MAPK10: variants seen among roughly 807,000 people sequenced by gnomAD.
MAPK10 encodes JNK3 alpha protein kinase.
In MAPK10, 25 loss-of-function variants were observed where a neutral mutation model predicts 59.3. The observed-to-expected ratio is 0.42, with a 90% CI of 0.31 to 0.59. MAPK10 has a LOEUF of 0.59. Among genes scored for constraint, MAPK10 ranks in the 20% least tolerant of loss-of-function variants. The pLI is 0.15. For missense variants in MAPK10, 351 were observed against 568.9 expected, an observed-to-expected ratio of 0.62 and a Z score of 3.90; for synonymous variants, 190 against 200.5, an observed-to-expected ratio of 0.95 and a Z score of 0.44.
At chr4:86,103,310 T>A (rs1274356449) in intron 5 of MAPK10, 66 bp from the exon 6 acceptor site, 10 of 872,016 alleles carry the variant, frequency 1.1e-5, no homozygotes, top group Middle Eastern at 2.3e-4. Context: ...GTATTATTTT[T>A]AAATTGTATT....
chr4:86,398,362 C>G (rs1054348189), intron 1 of MAPK10, among the ~76,000 whole-genome samples: 3 of 152,126 alleles, frequency 2.0e-5, no homozygotes, highest in Non-Finnish European at 2.9e-5. Context: ...CATAACAACT[C>G]TATGCTAGAT....
chr4:86,066,020 C>T lies in MAPK10; in HGVS notation c.986-1630G>A, dbSNP rs144116521. 2.0e-3 allele frequency among the ~76,000 whole-genome samples: 305 copies of T among 152,062 alleles called. 2 individuals carry two copies. The highest frequency in any genetic ancestry group is 7.0e-3 in the African/African-American group (289 of 41,478). On this transcript the variant is annotated intron_variant, in intron 10 of 13. Coordinates refer to ENST00000641462, the MANE Select transcript of MAPK10 (RefSeq NM_138982.4). The stretch of plus-strand genomic sequence containing the variant: ...ATTATTGGCATATTTTTTCTAGTGC[C>T]GTTCATGTATTTTTCACGTAATATT...
chr4:86,334,553 C>A (rs1719892038), intron 2 of MAPK10, among the ~76,000 whole-genome samples: 1 of 151,984 alleles, frequency 6.6e-6, no homozygotes, highest in Non-Finnish European at 1.5e-5. Context: ...TTTATTATCC[C>A]TCTCCCTCTT....
At chr4:86,141,019 A>G (rs1315668640) in intron 4 of MAPK10, among the ~76,000 whole-genome samples, 1 of 152,222 alleles carries the variant, frequency 6.6e-6, no homozygotes, top group Non-Finnish European at 1.5e-5. Context: ...AAGACCATTA[A>G]TCATTGAACC....
intron 4 of MAPK10, chr4:86,107,666 G>A (rs2056781208): frequency 1.0e-6 from 1 of 1,004,306 alleles, no homozygotes; most frequent in Non-Finnish European, 1.2e-6. Flanking sequence ...CTCAGTGAGT[G>A]GGTGGAATAA....
intron 2 of MAPK10, among the ~76,000 whole-genome samples, chr4:86,307,713 G>C (rs566073126): frequency 1.3e-5 from 2 of 152,150 alleles, no homozygotes; most frequent in African/African-American, 2.4e-5. Context: ...ACATAGATTT[G>C]TTGGGCAAAT....
rs1356720514 is a variant in MAPK10 at position 86,480,508 on chromosome 4, C to T, written c.-263+113402G>A. On this transcript the variant is annotated intron_variant, in intron 1 of 4. Coordinates refer to the MAPK10 transcript ENST00000502302. Reference sequence around the variant, plus strand: ...AAGCCTGTTTGGTGGTCTCTTCACACGGATGCGAGTGAAATGAACACCTTT... The same window carrying T: ...AAGCCTGTTTGGTGGTCTCTTCACATGGATGCGAGTGAAATGAACACCTTT... 1.2e-4 allele frequency among the ~76,000 whole-genome samples: 19 copies of T among 152,262 alleles called. 1 individual carries two copies. The highest frequency in any genetic ancestry group is 3.9e-4 in the African/African-American group (16 of 41,548).
intron 2 of MAPK10, among the ~76,000 whole-genome samples, chr4:86,256,805 A>G (rs918098558): frequency 2.3e-5 from 3 of 132,552 alleles, no homozygotes; most frequent in African/African-American, 8.8e-5. Context: ...CAGTGGCGCG[A>G]TCTCGGCTCA....
At chr4:86,592,978 C>A (rs1018175432) in intron 1 of MAPK10, among the ~76,000 whole-genome samples, 3 of 152,204 alleles carry the variant, frequency 2.0e-5, no homozygotes, top group African/African-American at 7.2e-5. Flanking sequence ...GGAGCGGGGA[C>A]TTAGCTTAAA....
intron 1 of MAPK10, among the ~76,000 whole-genome samples, chr4:86,432,413 T>A (rs1748159869): frequency 6.6e-6 from 1 of 152,060 alleles, no homozygotes; most frequent in Admixed American, 6.5e-5. Context: ...TAGCTGGGAC[T>A]ACAGGTGCAC....
chr4:86,274,057 T>C (rs2094504774), intron 2 of MAPK10, among the ~76,000 whole-genome samples: 1 of 151,940 alleles, frequency 6.6e-6, no homozygotes, highest in Non-Finnish European at 1.5e-5. Flanking sequence ...GTTAGAAAAG[T>C]AAGGGGAAAA....
At position 86,188,543 on chromosome 4, in the gene MAPK10, T is replaced by G. The variant is rs753895047; in HGVS notation, c.66+5793A>C. Among the ~76,000 whole-genome samples the G allele has an allele frequency of 1.4e-4, 21 of 152,360 alleles. No homozygotes were observed. The Middle Eastern group carries it at 0.01, about 74-fold the overall frequency. ...TATGTTTGTTGTCTGCATAAATGTC[T>G]TCTTTTGAGAAGTGACTGTTCATAT... On this transcript the variant is annotated intron_variant, in intron 3 of 13. Transcript: ENST00000641462.
chr4:86,510,047 G>C (rs1469394359), intron 1 of MAPK10, among the ~76,000 whole-genome samples: 4 of 152,126 alleles, frequency 2.6e-5, no homozygotes, highest in Non-Finnish European at 5.9e-5. Flanking sequence ...AAAATATATA[G>C]TAATTAATCC....
intron 2 of MAPK10, among the ~76,000 whole-genome samples, chr4:86,238,881 A>T (rs765532654): frequency 1.3e-5 from 2 of 152,192 alleles, no homozygotes; most frequent in Admixed American, 6.5e-5. Flanking sequence ...TTCAAATACT[A>T]TGTTGAATAG....
chr4:86,220,537 G>C (rs7688495), intron 2 of MAPK10, among the ~76,000 whole-genome samples: 1 of 152,004 alleles, frequency 6.6e-6, no homozygotes, highest in Non-Finnish European at 1.5e-5. Flanking sequence ...AAGAATTTAA[G>C]AATTTAAATA....
intron 11 of MAPK10, among the ~76,000 whole-genome samples, chr4:86,033,902 A>G (rs1303562276): frequency 2.6e-5 from 4 of 152,240 alleles, no homozygotes; most frequent in Non-Finnish European, 4.4e-5. Context: ...ACACACACGT[A>G]TAAGTGCTGG....
intron 1 of MAPK10, among the ~76,000 whole-genome samples, chr4:86,408,010 C>T (rs1429744453): frequency 6.6e-6 from 1 of 151,992 alleles, no homozygotes; most frequent in African/African-American, 2.4e-5. Context: ...CCCATCAACT[C>T]GTCATTTACA....
At chr4:86,479,167 G>A (rs769618134) in intron 1 of MAPK10, among the ~76,000 whole-genome samples, 1 of 152,036 alleles carries the variant, frequency 6.6e-6, no homozygotes, top group African/African-American at 2.4e-5. Context: ...AGAATTCCTC[G>A]GTTTGGCCTT....
intron 1 of MAPK10, among the ~76,000 whole-genome samples, chr4:86,390,155 AT>A (rs1205248584): frequency 1.1e-4 from 17 of 152,140 alleles, no homozygotes; most frequent in African/African-American, 4.1e-4. Context: ...CATACATAAA[AT>A]TTTATTTCTC....
Sources: gnomAD v4.1 joint callset for allele counts (sites outside exome capture counted in the v4.1 genomes callset) on GRCh38, gnomAD v4.1.1 for gene constraint, MANE v1.5 for transcripts, NCBI Gene and HGNC (gene_info 2026-07-23, HGNC 2026-07-21) for gene names.